Variants in KLKB1 observed in about 807,000 individuals in gnomAD.
The protein encoded by KLKB1 is kallikrein B1.
In KLKB1, 58 loss-of-function variants were observed where a neutral mutation model predicts 73.6. The observed-to-expected ratio is 0.79, with a 90% confidence interval of 0.64 to 0.98. The LOEUF is 0.98. Among genes scored for constraint, KLKB1 ranks in the 50% least tolerant of loss-of-function variants. The pLI is 0.00. For synonymous variants in KLKB1, 280 were observed against 258.1 expected (o/e 1.08, Z -0.81); for missense variants, 737 against 763.8 (o/e 0.96, Z 0.41).
chr4:186,254,459 A>G (rs2126676541), intron 11 of KLKB1, 129 bp from the exon 12 acceptor site: 2 of 792,140 alleles, frequency 2.5e-6, no homozygotes, highest in East Asian at 5.0e-5. Flanking sequence ...CAGAAGGAGG[A>G]ATTAGGTAGG....
intron 6 of KLKB1, among the ~76,000 whole-genome samples, chr4:186,244,818 C>T (rs1371487810): frequency 2.6e-5 from 4 of 152,182 alleles, no homozygotes; most frequent in African/African-American, 9.7e-5. Flanking sequence ...TGAGTGATAA[C>T]AGGCTTTAAT....
chr4:186,256,596 C>T (rs1021421454), intron 13 of KLKB1, among the ~76,000 whole-genome samples: 1 of 152,094 alleles, frequency 6.6e-6, no homozygotes, highest in Non-Finnish European at 1.5e-5. Flanking sequence ...TATTGGTAAT[C>T]TGAGACAAGA....
intron 2 of KLKB1, among the ~76,000 whole-genome samples, chr4:186,217,884 A>G (rs1017452605): frequency 1.6e-4 from 24 of 152,348 alleles, no homozygotes; most frequent in Middle Eastern, 3.4e-3. Flanking sequence ...GTTTCTCCTC[A>G]GTCGAAGTAT....
chr4:186,258,245 C>G lies in KLKB1; in HGVS notation c.*33C>G, dbSNP rs1038118530. On this transcript the variant is annotated 3_prime_UTR_variant, in exon 15 of 15. Coordinates refer to ENST00000264690, the MANE Select transcript of KLKB1 (RefSeq NM_000892.5). ...TCCAGAGTCTAGGCAATTTTTACAA[C>G]CTGAGTTCAAGTCAAATTCTGAGCC... is the stretch of plus-strand genomic sequence containing the variant. The G allele has an allele frequency of 6.3e-7, 1 of 1,590,356 alleles. No homozygotes were observed. Among genetic ancestry groups the G allele is most frequent in the South Asian group, 1.1e-5 (1 of 89,370 alleles).
intron 2 of KLKB1, among the ~76,000 whole-genome samples, chr4:186,229,872 G>A (rs1737313039): frequency 6.6e-6 from 1 of 152,126 alleles, no homozygotes; most frequent in African/African-American, 2.4e-5. Flanking sequence ...CCTGGCTGTG[G>A]TGACCCAATC....
chr4:186,231,367 C>A (rs766209047), intron 2 of KLKB1, among the ~76,000 whole-genome samples: 27 of 152,292 alleles, frequency 1.8e-4, no homozygotes, highest in Non-Finnish European at 2.2e-4. Flanking sequence ...AGTAAAGACA[C>A]CGAATTCTCT....
At chr4:186,220,339 C>G (rs1737006072) in intron 2 of KLKB1, among the ~76,000 whole-genome samples, 1 of 152,172 alleles carries the variant, frequency 6.6e-6, no homozygotes, top group Admixed American at 6.5e-5. Context: ...ATTGTGACTT[C>G]AAAAGGCCAT....
At position 186,258,345 on chromosome 4, in the gene KLKB1, C is replaced by A; in HGVS notation, c.*133C>A. On this transcript the variant is annotated 3_prime_UTR_variant, in exon 15 of 15. Transcript: ENST00000264690. The stretch of plus-strand genomic sequence containing the variant: ...CTAAGGACGAAAAACACAGTGCACT[C>A]AGAGCTGCTGAGGACAATGTCTGGC... 1 of 818,210 alleles carries A rather than the reference C, an allele frequency of 1.2e-6. No homozygotes were observed. The highest frequency in any genetic ancestry group is 2.1e-6 in the Non-Finnish European group (1 of 483,372). 50.7% of individuals were successfully genotyped at this position (818,210 alleles called of 1,614,324 possible).
rs560190440 is a variant in KLKB1, at chr4:186,228,392, A to C, written c.58+139A>C. 226 of 669,474 alleles carry C rather than the reference A, an allele frequency of 3.4e-4. No individual in the cohort carries two copies. In the African/African-American group the frequency reaches 3.4e-3, roughly 10 times the overall value. 41.5% of individuals were successfully genotyped at this position (669,474 alleles called of 1,614,324 possible). On this transcript the variant is annotated intron_variant, in intron 2 of 14. Transcript: ENST00000264690. Reference sequence around the variant, plus strand: ...CCCTGATGATTCAGGACACGTGTCTATTTAATGTTCCACAACAAGGACCAC... The same window carrying C: ...CCCTGATGATTCAGGACACGTGTCTCTTTAATGTTCCACAACAAGGACCAC...
chr4:186,218,705 G>A (rs1203946445), intron 2 of KLKB1, among the ~76,000 whole-genome samples: 3 of 151,928 alleles, frequency 2.0e-5, no homozygotes, highest in Non-Finnish European at 4.4e-5. Flanking sequence ...TGAAGTTCAT[G>A]TATACGATAC....
chr4:186,216,141 C>T (rs1579983195), intron 2 of KLKB1, among the ~76,000 whole-genome samples: 1 of 152,234 alleles, frequency 6.6e-6, no homozygotes, highest in Admixed American at 6.5e-5. Flanking sequence ...GCGATTGTGA[C>T]TTTCATGTGA....
chr4:186,233,905 T>G (rs776720169), intron 3 of KLKB1, 47 bp from the exon 4 acceptor site: 2 of 1,295,486 alleles, frequency 1.5e-6, no homozygotes, highest in Non-Finnish European at 2.2e-6. Context: ...ATTTCCTCAA[T>G]GTATGTTTAT....
In KLKB1 at chr4:186,233,954, T is replaced by C; in HGVS notation, c.224T>C (p.Phe75Ser). The C allele has an allele frequency of 6.2e-7, 1 of 1,610,118 alleles. No homozygotes were observed. Among genetic ancestry groups the C allele is most frequent in the East Asian group, 2.2e-5 (1 of 44,830 alleles). Residue 75 changes from phenylalanine (F) to serine (S), a missense_variant and splice_region_variant, in exon 4 of 15, where the codon TTT becomes TCT. Transcript: ENST00000264690. The part of the protein sequence containing the change: ...ASSINDMEKR[F>S]GCFLKDSVTG... ...AAGTAAAGCTACTTTTAAAATAGGT[T>C]TGGTTGCTTCTTGAAAGATAGTGTT...
intron 6 of KLKB1, among the ~76,000 whole-genome samples, chr4:186,242,529 T>A (rs1041733531): frequency 1.3e-4 from 20 of 152,058 alleles, no homozygotes; most frequent in African/African-American, 1.9e-4. Context: ...ATTGTGGGGT[T>A]GTTAGAAGCA....
rs1457198277 is a variant in KLKB1 at position 186,217,991 on chromosome 4, T to C, written c.201+8719T>C. On this transcript the variant is annotated intron_variant, in intron 2 of 14. Coordinates refer to the KLKB1 transcript ENST00000511608. ...TCAGATAGTAAATCTTCTTGGCTTT[T>C]GAGGCCATGCTGCCTCTGTAGCAAC... 2.0e-5 allele frequency among the ~76,000 whole-genome samples: 3 copies of C among 152,344 alleles called. No homozygotes were observed. The East Asian group carries it at 5.8e-4, about 29-fold the overall frequency.
upstream of KLKB1, among the ~76,000 whole-genome samples, chr4:186,222,359 C>T (rs1737050606): frequency 6.6e-6 from 1 of 152,148 alleles, no homozygotes; most frequent in South Asian, 2.1e-4. Flanking sequence ...CACTGTCTTC[C>T]TTTGTGACTT....
intron 2 of KLKB1, among the ~76,000 whole-genome samples, chr4:186,216,164 C>T (rs1327522977): frequency 6.6e-6 from 1 of 152,166 alleles, no homozygotes; most frequent in Non-Finnish European, 1.5e-5. Context: ...ATGAGATGGT[C>T]CACAACTGCG....
chr4:186,235,982 C>T (rs1006640576), intron 4 of KLKB1, among the ~76,000 whole-genome samples: 27 of 151,772 alleles, frequency 1.8e-4, no homozygotes, highest in East Asian at 5.8e-4. Context: ...GGCGTGGTGG[C>T]GCGCGCCTGT....
intron 11 of KLKB1, among the ~76,000 whole-genome samples, chr4:186,253,625 G>T (rs1348013124): frequency 7.9e-6 from 1 of 126,960 alleles, no homozygotes; most frequent in Admixed American, 8.5e-5. Flanking sequence ...AGGCCCCTTT[G>T]CACCTGATAT....
Sources: gnomAD v4.1 joint callset for allele counts (sites outside exome capture counted in the v4.1 genomes callset) on GRCh38, gnomAD v4.1.1 for gene constraint, MANE v1.5 for transcripts, NCBI Gene and HGNC (gene_info 2026-07-23, HGNC 2026-07-21) for gene names.